Variants in IL16 observed in about 807,000 individuals in gnomAD.
IL16 encodes pro-interleukin-16.
A neutral mutation model predicts 110.1 loss-of-function variants in IL16; 67 were observed. The ratio of observed to expected loss-of-function variants is 0.61; its 90% CI spans 0.50 to 0.75. The LOEUF (loss-of-function observed/expected upper bound fraction) is 0.75. Ranked by LOEUF, IL16 falls within the 30% of genes least tolerant of loss-of-function variation. IL16 has a pLI of 0.00. For synonymous variants in IL16, 689 were observed against 662.9 expected, an observed-to-expected ratio of 1.04 and a Z score of -0.61; for missense variants, 1,545 against 1,655.0, an observed-to-expected ratio of 0.93 and a Z score of 1.15.
chr15:81,220,370 C>A (rs1896573050), intron 1 of IL16, among the ~76,000 whole-genome samples: 1 of 152,004 alleles, frequency 6.6e-6, no homozygotes, highest in African/African-American at 2.4e-5. Context: ...GCCCAGGCTG[C>A]CCTTGAACTC....
intron 11 of IL16, chr15:81,292,312 G>A (rs1899758190): frequency 1.8e-6 from 1 of 560,904 alleles, no homozygotes; most frequent in Admixed American, 2.8e-5. Context: ...GGTGATCTGG[G>A]TGGCATATCT....
intron 2 of IL16, among the ~76,000 whole-genome samples, chr15:81,254,421 C>T (rs924039517): frequency 6.6e-6 from 1 of 152,034 alleles, no homozygotes; most frequent in Non-Finnish European, 1.5e-5. Flanking sequence ...TTTTTTTCCC[C>T]ATTTCTTGGA....
intron 1 of IL16, among the ~76,000 whole-genome samples, chr15:81,202,664 T>C (rs534426481): frequency 6.6e-6 from 1 of 152,346 alleles, no homozygotes; most frequent in Non-Finnish European, 1.5e-5. Flanking sequence ...TCATCATTTT[T>C]TATGGCTGCA....
At position 81,206,547 on chromosome 15, in the gene IL16, A is replaced by G. The variant is rs140229846; in HGVS notation, c.-102+9395A>G. On this transcript the variant is annotated intron_variant, in intron 1 of 18. Transcript: ENST00000683961. Reference sequence around the variant, plus strand: ...CAAATGTGCACAGAACACATAAAACACTTAGTCACATCACATACTGGCTAA... The same window carrying G: ...CAAATGTGCACAGAACACATAAAACGCTTAGTCACATCACATACTGGCTAA... 2.0e-5 allele frequency among the ~76,000 whole-genome samples: 3 copies of G among 152,344 alleles called. No individual in the cohort carries two copies. The East Asian group carries it at 5.8e-4, about 29-fold the overall frequency.
At chr15:81,262,487 AT>A (rs11295320) in intron 3 of IL16, among the ~76,000 whole-genome samples, 36,536 of 150,848 alleles carry the variant, frequency 0.24, 5,068 homozygotes, top group African/African-American at 0.38. Flanking sequence ...ATCTAGGTAG[AT>A]TTTTTTTTTC....
intron 1 of IL16, among the ~76,000 whole-genome samples, chr15:81,212,678 G>A (rs1325596305): frequency 6.6e-6 from 1 of 151,902 alleles, no homozygotes; most frequent in Admixed American, 6.6e-5. Context: ...CACTATATTG[G>A]CCAGGCTGGT....
At chr15:81,308,551 A>G in intron 18 of IL16, 54 bp from the exon 19 acceptor site, 2 of 1,380,636 alleles carry the variant, frequency 1.4e-6, no homozygotes, top group South Asian at 2.7e-5. Context: ...AGAGGAGGCA[A>G]CTTTCCTTGT....
At chr15:81,248,840 C>T (rs1897665643) in intron 2 of IL16, among the ~76,000 whole-genome samples, 1 of 151,448 alleles carries the variant, frequency 6.6e-6, no homozygotes, top group South Asian at 2.1e-4. Flanking sequence ...CCTGCCTCAG[C>T]CTCCCAAGTG....
Position 81,273,100 on chromosome 15 carries a change from TCAG to T in IL16, c.689_691del (p.Ser230del). On this transcript the variant is annotated inframe_deletion, in exon 6 of 19. Coordinates refer to ENST00000683961, the MANE Select transcript of IL16 (RefSeq NM_172217.5). ...TCTTTTTTTCCCCAGGGTCTGGGCT[TCAG>T]CATCGTTGGGGGAAAAGACAGCATT... The T allele has an allele frequency of 6.2e-7, 1 of 1,613,028 alleles. No individual in the cohort carries two copies. Among genetic ancestry groups the T allele is most frequent in the Admixed American group, 1.7e-5 (1 of 59,990 alleles).
At chr15:81,229,879 A>G (rs1896913052) in intron 2 of IL16, among the ~76,000 whole-genome samples, 1 of 152,164 alleles carries the variant, frequency 6.6e-6, no homozygotes, top group Non-Finnish European at 1.5e-5. Flanking sequence ...TCAAAACAAC[A>G]TCTGGAATGA....
intron 6 of IL16, among the ~76,000 whole-genome samples, chr15:81,278,068 ATTTT>A (rs35033078): frequency 7.2e-6 from 1 of 139,796 alleles, no homozygotes; most frequent in Non-Finnish European, 1.6e-5. Context: ...TTATTTATTT[ATTTT>A]TACCATATGA....
chr15:81,231,804 C>G (rs1896997881), intron 2 of IL16, among the ~76,000 whole-genome samples: 1 of 152,088 alleles, frequency 6.6e-6, no homozygotes, highest in Non-Finnish European at 1.5e-5. Context: ...TAACTTTTTT[C>G]CTACGTGAAT....
rs1900993453 is a variant in IL16 at position 81,313,772 on chromosome 15, A to G, written c.*4974A>G. On this transcript the variant is annotated 3_prime_UTR_variant, in exon 19 of 19. Transcript: ENST00000683961. ...TGCCCTTCACTATTTAGGGTCTGCAACCTCCTGGGGGCTCCTGGGACCCTT... is the reference window on the plus strand; with the variant it reads ...TGCCCTTCACTATTTAGGGTCTGCAGCCTCCTGGGGGCTCCTGGGACCCTT... The G allele has an allele frequency of 6.2e-6, 1 of 161,046 alleles. No individual in the cohort carries two copies. Among genetic ancestry groups the G allele is most frequent in the East Asian group, 1.7e-4 (1 of 5,768 alleles). 10.0% of individuals were successfully genotyped at this position (161,046 alleles called of 1,614,324 possible).
intron 4 of IL16, among the ~76,000 whole-genome samples, chr15:81,269,283 T>C (rs1898526313): frequency 6.6e-6 from 1 of 152,212 alleles, no homozygotes; most frequent in African/African-American, 2.4e-5. Flanking sequence ...CCTACTTCCT[T>C]GATAAACCTT....
At position 81,301,501 on chromosome 15, in the gene IL16, G is replaced by A; in HGVS notation, c.3307G>A (p.Ala1103Thr). The change falls in exon 15 of 19, where the codon GCA (alanine) becomes ACA (threonine). Residue 1103 changes from alanine (A) to threonine (T), a missense_variant. Around this residue, in one of 3 missense-constraint regions of IL16, gnomAD observed 356 missense variants for 399.3 expected, o/e 0.89. Transcript: ENST00000683961. The stretch of plus-strand genomic sequence containing the variant: ...CGAGGAGGTGAAGGTTCTGGATGAA[G>A]CAACATTAAAGGTAGGTTTCCTTTG... ...LIEEVKVLDE[A>T]TLKQLDGIHV... 2 of 1,611,978 alleles carry A rather than the reference G, an allele frequency of 1.2e-6. No homozygotes were observed. Among genetic ancestry groups the A allele is most frequent in the Non-Finnish European group, 1.7e-6 (2 of 1,179,468 alleles).
intron 10 of IL16, among the ~76,000 whole-genome samples, chr15:81,288,775 G>C (rs1899568431): frequency 6.6e-6 from 1 of 152,060 alleles, no homozygotes; most frequent in African/African-American, 2.4e-5. Flanking sequence ...TTATGTTGTA[G>C]CACGGGCCAG....
At chr15:81,291,433 T>A (rs534628798) in intron 11 of IL16, among the ~76,000 whole-genome samples, 6 of 152,164 alleles carry the variant, frequency 3.9e-5, no homozygotes, top group Non-Finnish European at 8.8e-5. Context: ...GGAGGATGCA[T>A]TATTTCATGA....
intron 10 of IL16, among the ~76,000 whole-genome samples, chr15:81,286,151 T>G (rs2142328132): frequency 6.6e-6 from 1 of 152,274 alleles, no homozygotes; most frequent in African/African-American, 2.4e-5. Flanking sequence ...GTACCCACTG[T>G]GGGAATGTCT....
chr15:81,199,028 AAAAT>A (rs1399358238), intron 1 of IL16, among the ~76,000 whole-genome samples: 6 of 93,710 alleles, frequency 6.4e-5, no homozygotes, highest in African/African-American at 1.8e-4. Context: ...TCAAAAAAAA[AAAAT>A]ATATATATAT....
Sources: allele counts gnomAD v4.1 joint callset (sites outside exome capture counted in the v4.1 genomes callset), GRCh38; gene constraint gnomAD v4.1.1; regional missense constraint gnomAD v4.1.1; transcripts MANE v1.5; gene names NCBI Gene and HGNC (gene_info 2026-07-23, HGNC 2026-07-21).